ARMC3: variants seen among roughly 807,000 people sequenced by gnomAD.
The protein encoded by ARMC3 is armadillo repeat-containing protein 3.
In ARMC3, 74 loss-of-function variants were observed where a neutral mutation model predicts 90.3. The ratio of observed to expected loss-of-function variants is 0.82; its 90% confidence interval spans 0.68 to 0.99. The LOEUF is 0.99. ARMC3 is among the 50% of genes least tolerant of loss of function. The pLI is 0.00. For synonymous variants in ARMC3, 334 were observed against 361.8 expected, an observed-to-expected ratio of 0.92 and a Z score of 0.87; for missense variants, 958 against 1,042.8, an observed-to-expected ratio of 0.92 and a Z score of 1.12.
At chr10:22,989,600 G>T (rs574214030) in intron 10 of ARMC3, among the ~76,000 whole-genome samples, 41 of 152,208 alleles carry the variant, frequency 2.7e-4, no homozygotes, top group African/African-American at 7.2e-4. Flanking sequence ...GTTTTTAGGA[G>T]GTTTTGTTTT....
At chr10:22,977,515 G>A (rs1835982460) in intron 8 of ARMC3, among the ~76,000 whole-genome samples, 1 of 152,110 alleles carries the variant, frequency 6.6e-6, no homozygotes, top group African/African-American at 2.4e-5. Flanking sequence ...TATTAAAGTC[G>A]GGCTCCTTCA....
chr10:23,033,177 A>T (rs1414091925), intron 18 of ARMC3, among the ~76,000 whole-genome samples, 154 bp downstream of exon 18: 1 of 149,162 alleles, frequency 6.7e-6, no homozygotes. Flanking sequence ...ATACTTATAT[A>T]CAAGCATACA....
chr10:22,969,888 G>A (rs1201733002), intron 8 of ARMC3, among the ~76,000 whole-genome samples: 1 of 152,094 alleles, frequency 6.6e-6, no homozygotes, highest in African/African-American at 2.4e-5. Flanking sequence ...GTTTGATGAT[G>A]CCTACCCATC....
chr10:22,930,174 T>C (rs543918683), intron 1 of ARMC3, among the ~76,000 whole-genome samples: 13 of 152,272 alleles, frequency 8.5e-5, no homozygotes, highest in African/African-American at 3.1e-4. Flanking sequence ...TAGATTCTCA[T>C]TTGCCCAGAA....
chr10:22,994,659 T>C (rs1246187999), intron 10 of ARMC3, among the ~76,000 whole-genome samples: 2 of 152,234 alleles, frequency 1.3e-5, no homozygotes, highest in Non-Finnish European at 2.9e-5. Context: ...AACATCACTT[T>C]AGCTGTAAGA....
At chr10:22,982,471 C>G (rs76275650) in intron 10 of ARMC3, among the ~76,000 whole-genome samples, 1 of 152,212 alleles carries the variant, frequency 6.6e-6, no homozygotes, top group South Asian at 2.1e-4. Context: ...CCCAAGCACT[C>G]TGGTGTGTAA....
Position 23,000,919 on chromosome 10 carries a change from C to CT in ARMC3, c.1426-990dup, listed in dbSNP as rs929531676. ...ACATGAGACAAGAACTCTGCCCAAT[C>CT]TTTTTTTTTTCTGATTGGAATAATT... On this transcript the variant is annotated intron_variant, in intron 11 of 18. Transcript: ENST00000298032. Among the ~76,000 whole-genome samples the CT allele has an allele frequency of 6.0e-5, 9 of 150,074 alleles. No individual in the cohort carries two copies. In the East Asian group the frequency reaches 7.8e-4, roughly 13 times the overall value.
intron 2 of ARMC3, among the ~76,000 whole-genome samples, chr10:22,933,129 A>G (rs1187375267): frequency 6.6e-6 from 1 of 152,176 alleles, no homozygotes; most frequent in Non-Finnish European, 1.5e-5. Context: ...TACAGTTGGG[A>G]ACAAAATCTA....
At chr10:23,025,178 C>A (rs1838668101) in intron 16 of ARMC3, among the ~76,000 whole-genome samples, 1 of 151,988 alleles carries the variant, frequency 6.6e-6, no homozygotes, top group African/African-American at 2.4e-5. Flanking sequence ...TGCCCCCAAC[C>A]CCCAGCAACT....
At chr10:23,031,774 A>G (rs1396907864) in intron 17 of ARMC3, among the ~76,000 whole-genome samples, 3 of 152,090 alleles carry the variant, frequency 2.0e-5, no homozygotes, top group African/African-American at 7.2e-5. Flanking sequence ...CCAAGATACA[A>G]AGAGAGGCAG....
chr10:23,021,881 T>C (rs1352805640), intron 16 of ARMC3, among the ~76,000 whole-genome samples: 2 of 152,178 alleles, frequency 1.3e-5, no homozygotes, highest in African/African-American at 2.4e-5. Context: ...CTGTTGACCA[T>C]GTGGCTTGCA....
intron 2 of ARMC3, among the ~76,000 whole-genome samples, chr10:22,941,586 A>G (rs1389322232): frequency 1.3e-5 from 2 of 152,248 alleles, no homozygotes; most frequent in African/African-American, 2.4e-5. Context: ...TATTAAATAA[A>G]TGAATTAATG....
intron 1 of ARMC3, among the ~76,000 whole-genome samples, chr10:22,931,542 A>G (rs1443080095): frequency 6.6e-6 from 1 of 152,226 alleles, no homozygotes; most frequent in East Asian, 1.9e-4. Flanking sequence ...TAAATATCAA[A>G]TGCCAATTAT....
Position 23,030,581 on chromosome 10 carries a change from T to C in ARMC3, c.2046-15T>C, listed in dbSNP as rs746623647. On this transcript the variant is annotated splice_polypyrimidine_tract_variant and intron_variant, in intron 16 of 18. Transcript: ENST00000298032. ...CAGAAGATGTGATTTTGATTGCCCT[T>C]GTTTACTTTCAAAGGAAAAGCAAAG... 9 of 1,604,028 alleles carry C rather than the reference T, an allele frequency of 5.6e-6. No homozygotes were observed. Among genetic ancestry groups the C allele is most frequent in the Non-Finnish European group, 6.0e-6 (7 of 1,174,636 alleles).
At chr10:23,007,622 G>A (rs771013702) in intron 14 of ARMC3, among the ~76,000 whole-genome samples, 11 of 151,104 alleles carry the variant, frequency 7.3e-5, no homozygotes, top group East Asian at 5.9e-4. Context: ...ACTTGAACCC[G>A]GGAGGCGGAT....
chr10:22,929,710 C>T lies in ARMC3; in HGVS notation c.-2+1604C>T, dbSNP rs1046968175. Among the ~76,000 whole-genome samples the T allele has an allele frequency of 7.9e-5, 12 of 152,284 alleles. No individual in the cohort carries two copies. The East Asian group carries it at 9.6e-4, about 12-fold the overall frequency. On this transcript the variant is annotated intron_variant, in intron 1 of 18. Coordinates refer to ENST00000298032, the MANE Select transcript of ARMC3 (RefSeq NM_173081.5). ...ATGCAGGCACATGCCACCGCCACTCCAGGCTAATTTTTGTATTTTTAGTAG... is the reference window on the plus strand; with the variant it reads ...ATGCAGGCACATGCCACCGCCACTCTAGGCTAATTTTTGTATTTTTAGTAG...
intron 8 of ARMC3, among the ~76,000 whole-genome samples, chr10:22,973,484 CTT>C (rs945617643): frequency 3.3e-5 from 5 of 150,562 alleles, no homozygotes; most frequent in African/African-American, 9.7e-5. Flanking sequence ...TAAATAAACA[CTT>C]ATCATATGCA....
chr10:23,034,978 G>T (rs1839069671), intron 18 of ARMC3, among the ~76,000 whole-genome samples: 1 of 152,278 alleles, frequency 6.6e-6, no homozygotes. Flanking sequence ...CATAGGCACT[G>T]TATTTGTCAA....
At chr10:23,024,323 A>C (rs958587305) in intron 16 of ARMC3, among the ~76,000 whole-genome samples, 1 of 152,180 alleles carries the variant, frequency 6.6e-6, no homozygotes, top group Non-Finnish European at 1.5e-5. Context: ...AGATTGGCTA[A>C]AGAATGTTCT....
Sources: gnomAD v4.1 joint callset for allele counts (sites outside exome capture counted in the v4.1 genomes callset) on GRCh38, gnomAD v4.1.1 for gene constraint, MANE v1.5 for transcripts, NCBI Gene and HGNC (gene_info 2026-07-23, HGNC 2026-07-21) for gene names.